Variants in BMPER observed in about 807,000 individuals in gnomAD.
BMPER encodes BMP binding endothelial regulator.
A neutral mutation model predicts 87.3 loss-of-function variants in BMPER; 45 were observed. The ratio of observed to expected loss-of-function variants is 0.52; its 90% CI spans 0.41 to 0.66. The LOEUF is 0.66. BMPER is among the 30% of genes least tolerant of loss of function. BMPER has a pLI of 0.00. For missense variants in BMPER, 784 were observed against 867.5 expected (o/e 0.90, Z 1.21); for synonymous variants, 326 against 316.2 (o/e 1.03, Z -0.33).
intron 7 of BMPER, among the ~76,000 whole-genome samples, chr7:34,049,507 A>G (rs1246435373): frequency 6.6e-6 from 1 of 152,206 alleles, no homozygotes. Flanking sequence ...TAGTATAGGC[A>G]ACAGGCTATG....
intron 11 of BMPER, among the ~76,000 whole-genome samples, chr7:34,065,203 ACTCTCTCTCTCTCT>A (rs70997564): frequency 1.4e-3 from 136 of 97,342 alleles, no homozygotes; most frequent in Middle Eastern, 8.8e-3. Flanking sequence ...ATACACACTC[ACTCTCTCTCTCTCT>A]CTCTCTCTCT....
At chr7:33,988,244 G>C (rs1284938405) in intron 6 of BMPER, among the ~76,000 whole-genome samples, 1 of 152,162 alleles carries the variant, frequency 6.6e-6, no homozygotes, top group Non-Finnish European at 1.5e-5. Context: ...AATGCTAGGA[G>C]TGACTCTTTT....
chr7:34,130,837 G>C (rs1298132758), intron 13 of BMPER, among the ~76,000 whole-genome samples: 3 of 152,186 alleles, frequency 2.0e-5, no homozygotes, highest in East Asian at 1.9e-4. Flanking sequence ...CTAGGAGAAG[G>C]GGGAGGAAGA....
intron 13 of BMPER, among the ~76,000 whole-genome samples, chr7:34,094,706 C>T (rs1472791610): frequency 6.6e-6 from 1 of 152,180 alleles, no homozygotes; most frequent in Non-Finnish European, 1.5e-5. Flanking sequence ...ATTATTCCCC[C>T]ATGTGTAAAA....
At chr7:34,109,649 GC>G (rs1003192804) in intron 13 of BMPER, among the ~76,000 whole-genome samples, 5 of 152,178 alleles carry the variant, frequency 3.3e-5, no homozygotes, top group African/African-American at 1.2e-4. Context: ...AGTTCCCACT[GC>G]CTGTGGGTAC....
chr7:34,046,096 A>G (rs1418253104), intron 6 of BMPER, among the ~76,000 whole-genome samples: 1 of 151,910 alleles, frequency 6.6e-6, no homozygotes, highest in African/African-American at 2.4e-5. Flanking sequence ...TGCTGGAATC[A>G]CCTCCTCAAA....
chr7:33,970,488 C>G lies in BMPER; in HGVS notation c.493+69C>G, dbSNP rs900001476. 2.7e-6 allele frequency: 4 copies of G among 1,500,418 alleles called. No individual in the cohort carries two copies. The South Asian group carries it at 4.5e-5, about 17-fold the overall frequency. The allele number at this position is 1,500,418 out of a possible 1,614,324, so 92.9% of individuals were successfully genotyped here. ...TTTCAGGAATGCATGAATCTCCCAA[C>G]CCCTCTTGTTGGAAATTTTCCTCAC... On this transcript the variant is annotated intron_variant, in intron 5 of 14. Transcript: ENST00000649409.
rs192161899 is a variant in BMPER, at chr7:34,104,770, A to G, written c.1745+18678A>G. Among the ~76,000 whole-genome samples the G allele has an allele frequency of 8.2e-4, 125 of 152,254 alleles. 1 individual carries two copies. The highest frequency in any genetic ancestry group is 9.6e-4 in the Non-Finnish European group (65 of 68,010). On this transcript the variant is annotated intron_variant, in intron 13 of 14. Coordinates refer to ENST00000649409, the MANE Select transcript of BMPER (RefSeq NM_001365308.1). ...TTAACTACCTGGCCTCTGGTAACAA[A>G]CTGGCCTCCCCTGTGTCCATTGCCT...
In BMPER at chr7:34,129,630, G is replaced by GAAAGAA. The variant is rs1336596665; in HGVS notation, c.1746-13599_1746-13598insAAGAAA. 6.4e-4 allele frequency among the ~76,000 whole-genome samples: 36 copies of GAAAGAA among 56,300 alleles called. 1 individual carries two copies. Among genetic ancestry groups the GAAAGAA allele is most frequent in the African/African-American group, 2.2e-3 (32 of 14,486 alleles). The allele number at this position is 56,300 out of a possible 152,430, so 36.9% of individuals were successfully genotyped here. On this transcript the variant is annotated intron_variant, in intron 13 of 14. Transcript: ENST00000649409. The stretch of plus-strand genomic sequence containing the variant: ...AGAGAAAGAGAGAGAGAGAGAAAGA[G>GAAAGAA]AGAAAGAAAGAAAGAAAGAAAGAAA...
At chr7:34,064,762 T>G (rs879113872) in intron 11 of BMPER, among the ~76,000 whole-genome samples, 1 of 152,356 alleles carries the variant, frequency 6.6e-6, no homozygotes, top group South Asian at 2.1e-4. Flanking sequence ...CCTTTGGTGT[T>G]CTTTCCATCT....
chr7:34,045,415 C>T (rs1036168481), intron 6 of BMPER, among the ~76,000 whole-genome samples: 1 of 152,026 alleles, frequency 6.6e-6, no homozygotes, highest in East Asian at 1.9e-4. Flanking sequence ...GAGGGGAAGT[C>T]GTCAGACTAT....
At chr7:34,104,330 G>A (rs974611427) in intron 13 of BMPER, among the ~76,000 whole-genome samples, 3 of 152,132 alleles carry the variant, frequency 2.0e-5, no homozygotes, top group African/African-American at 7.2e-5. Flanking sequence ...GAGGAAAGAG[G>A]CCATTTGTCA....
intron 7 of BMPER, among the ~76,000 whole-genome samples, chr7:34,047,631 T>C (rs1160269537): frequency 1.3e-5 from 2 of 152,072 alleles, no homozygotes; most frequent in African/African-American, 4.8e-5. Context: ...GTCAGACTAT[T>C]AAGTTTCAAA....
chr7:34,126,799 A>G (rs1790413388), intron 13 of BMPER, among the ~76,000 whole-genome samples: 1 of 152,170 alleles, frequency 6.6e-6, no homozygotes, highest in Non-Finnish European at 1.5e-5. Flanking sequence ...CCCCAGTATT[A>G]TATAGACATA....
At chr7:33,935,467 A>G (rs1054134051) in intron 2 of BMPER, among the ~76,000 whole-genome samples, 2 of 152,166 alleles carry the variant, frequency 1.3e-5, no homozygotes, top group Admixed American at 6.5e-5. Context: ...TAAGAACTCC[A>G]CAGGGGGTTG....
chr7:33,949,209 A>G (rs1047742378), intron 3 of BMPER, among the ~76,000 whole-genome samples: 1 of 152,146 alleles, frequency 6.6e-6, no homozygotes, highest in Non-Finnish European at 1.5e-5. Flanking sequence ...CCAGTGAGAC[A>G]ATTGAGATGA....
chr7:34,045,367 C>T (rs1018872092), intron 6 of BMPER, among the ~76,000 whole-genome samples: 1 of 152,140 alleles, frequency 6.6e-6, no homozygotes, highest in Non-Finnish European at 1.5e-5. Flanking sequence ...TACAACTTAA[C>T]TGGGGCTGGG....
chr7:34,091,963 C>G (rs1324036560), intron 13 of BMPER, among the ~76,000 whole-genome samples: 1 of 152,134 alleles, frequency 6.6e-6, no homozygotes, highest in African/African-American at 2.4e-5. Context: ...GAATGGGGAG[C>G]CTCTTCTTTT....
At chr7:34,033,956 A>G (rs1787597167) in intron 6 of BMPER, among the ~76,000 whole-genome samples, 1 of 152,198 alleles carries the variant, frequency 6.6e-6, no homozygotes. Flanking sequence ...AAGAATGTTC[A>G]GGTAGAATTT....
Sources: allele counts gnomAD v4.1 joint callset (sites outside exome capture counted in the v4.1 genomes callset), GRCh38; gene constraint gnomAD v4.1.1; transcripts MANE v1.5; gene names NCBI Gene and HGNC (gene_info 2026-07-23, HGNC 2026-07-21).